The following AIFM1 variants were observed in gnomAD, a reference collection of about 807,000 sequenced individuals.
AIFM1 encodes apoptosis-inducing factor 1, mitochondrial.
A neutral mutation model predicts 51.7 loss-of-function variants in AIFM1; 3 were observed. The observed-to-expected ratio is 0.06, with a 90% confidence interval of 0.03 to 0.15. The LOEUF is 0.15. Ranked by LOEUF, AIFM1 falls within the 10% of genes least tolerant of loss-of-function variation. The pLI is 1.00. For synonymous variants in AIFM1, 178 were observed against 179.4 expected (o/e 0.99, Z 0.06); for missense variants, 330 against 476.8 (o/e 0.69, Z 2.87).
intron 3 of AIFM1, 78 bp from the exon 4 acceptor site, chrX:130,147,954 C>T (rs911705289): frequency 1.7e-5 from 20 of 1,155,699 alleles, no homozygotes; most frequent in Non-Finnish European, 2.4e-5. Flanking sequence ...AAAAAATCAC[C>T]TTGCACTTGT....
chrX:130,133,795 ATTTT>A (rs779208595), intron 12 of AIFM1, among the ~76,000 whole-genome samples: 1 of 99,863 alleles, frequency 1.0e-5, no homozygotes. Context: ...GCCTGGCTAA[ATTTT>A]TTTTTTTTTT....
chrX:130,134,236 C>CA (rs1007988671), intron 12 of AIFM1, among the ~76,000 whole-genome samples: 168 of 93,564 alleles, frequency 1.8e-3, no homozygotes, highest in Middle Eastern at 5.5e-3. Flanking sequence ...GACACCGCCT[C>CA]AAAAAAAAAA....
chrX:130,146,192 C>G (rs2030741172), intron 5 of AIFM1, among the ~76,000 whole-genome samples: 1 of 111,675 alleles, frequency 9.0e-6, no homozygotes, highest in Non-Finnish European at 1.9e-5. Flanking sequence ...AACCCCAGTG[C>G]TTTGGGAGCC....
At chrX:130,163,240 G>A (rs374446496) in intron 1 of AIFM1, among the ~76,000 whole-genome samples, 18 of 107,466 alleles carry the variant, frequency 1.7e-4, no homozygotes, top group African/African-American at 6.1e-4. Flanking sequence ...AACCCAGCAG[G>A]CAGAGGTTGC....
intron 1 of AIFM1, among the ~76,000 whole-genome samples, chrX:130,160,055 A>G (rs1405598620): frequency 1.2e-4 from 13 of 111,612 alleles, no homozygotes; most frequent in African/African-American, 4.2e-4. Context: ...AATTGACTTT[A>G]AAAAAAAGTA....
At chrX:130,148,560 G>A (rs1422636440) in intron 3 of AIFM1, among the ~76,000 whole-genome samples, 5 of 111,273 alleles carry the variant, frequency 4.5e-5, no homozygotes, top group East Asian at 2.8e-4. Flanking sequence ...TCGGCTGGGC[G>A]TGGTGGCTCC....
rs763317252 is a variant in AIFM1 at position 130,156,517 on chromosome X, C to T, written c.193G>A (p.Asp65Asn). The change falls in exon 2 of 16, where the codon GAT becomes AAT. Residue 65 changes from aspartate (D) to asparagine (N), a missense_variant. This residue lies in a region of AIFM1 where 110 missense variants were observed against 103.1 expected (regional missense o/e 1.07). Coordinates refer to ENST00000287295, the MANE Select transcript of AIFM1 (RefSeq NM_004208.4). ...ACAATAAGGACTAACACAGAATTAT[C>T]GATTTTGCCCCCTGATGCACCAGAG... ...ASSGASGGKIDNSVLVLIVGL... is the reference protein window; with the variant it reads ...ASSGASGGKINNSVLVLIVGL... 3 of 1,209,860 alleles carry T rather than the reference C, an allele frequency of 2.5e-6. No homozygotes were observed. Among genetic ancestry groups the T allele is most frequent in the African/African-American group, 1.7e-5 (1 of 57,173 alleles).
At chrX:130,150,615 G>T (rs1446012556) in intron 2 of AIFM1, among the ~76,000 whole-genome samples, 1 of 105,659 alleles carries the variant, frequency 9.5e-6, no homozygotes, top group Non-Finnish European at 2.0e-5. Context: ...GATTACAGGC[G>T]TGAGCCACCG....
At chrX:130,144,914 C>T (rs1275602874) in intron 6 of AIFM1, among the ~76,000 whole-genome samples, 6 of 111,936 alleles carry the variant, frequency 5.4e-5, no homozygotes, top group African/African-American at 1.9e-4. Flanking sequence ...TCCACTTATG[C>T]TGTGTATCTC....
chrX:130,163,930 C>T (rs1405522993), intron 1 of AIFM1, among the ~76,000 whole-genome samples: 2 of 103,756 alleles, frequency 1.9e-5, no homozygotes, highest in Non-Finnish European at 3.9e-5. Context: ...CCGAGGTGGG[C>T]GGATCACGAG....
chrX:130,165,420 T>C, intron 1 of AIFM1, 131 bp downstream of exon 1: 2 of 582,186 alleles, frequency 3.4e-6, no homozygotes, highest in Non-Finnish European at 2.9e-6. Flanking sequence ...GTTCGGAGTC[T>C]GCCAATTTGG....
chrX:130,165,827 C>G lies in AIFM1; in HGVS notation c.-171G>C. 1 of 510,835 alleles carries G rather than the reference C, an allele frequency of 2.0e-6. No homozygotes were observed. The highest frequency in any genetic ancestry group is 3.5e-6 in the Non-Finnish European group (1 of 284,734). The allele number at this position is 510,835 out of a possible 1,213,427, so 42.1% of individuals were successfully genotyped here. A position where few individuals can be genotyped will look rare whatever the true frequency, so the allele number is the denominator to read the frequency against. On this transcript the variant is annotated 5_prime_UTR_variant, in exon 1 of 16. Coordinates refer to ENST00000287295, the MANE Select transcript of AIFM1 (RefSeq NM_004208.4). The stretch of plus-strand genomic sequence containing the variant: ...GGACAGAGAAGCCGGCCTGCTAGAG[C>G]CGGGGAAGGGGAACGGCGACCGGAG...
chrX:130,138,331 T>G (rs1444888868), intron 9 of AIFM1, among the ~76,000 whole-genome samples: 7 of 109,708 alleles, frequency 6.4e-5, no homozygotes, highest in African/African-American at 1.0e-4. Context: ...CAGGCGTGGT[T>G]ACAGGCGCCT....
At chrX:130,134,853 C>T (rs1443130926) in intron 12 of AIFM1, among the ~76,000 whole-genome samples, 2 of 111,379 alleles carry the variant, frequency 1.8e-5, no homozygotes, top group East Asian at 2.8e-4. Flanking sequence ...AGTCATTAAA[C>T]TGTTTACAAA....
chrX:130,137,870 C>T (rs2030412778), intron 9 of AIFM1: 1 of 456,455 alleles, frequency 2.2e-6, no homozygotes, highest in African/African-American at 2.7e-5. Context: ...CAAGACCAGC[C>T]TGACCAACAT....
chrX:130,147,154 A>C, intron 5 of AIFM1, among the ~76,000 whole-genome samples: 1 of 111,219 alleles, frequency 9.0e-6, no homozygotes, highest in Non-Finnish European at 1.9e-5. Context: ...GAGCAGCAAG[A>C]CTCCATCTCA....
intron 11 of AIFM1, 108 bp downstream of exon 11, chrX:130,136,535 C>A: frequency 1.4e-6 from 1 of 715,450 alleles, no homozygotes. Flanking sequence ...AGGTTAATGG[C>A]AACTGCCAGG....
chrX:130,156,083 A>G (rs1469691990), intron 2 of AIFM1, among the ~76,000 whole-genome samples: 1 of 111,904 alleles, frequency 8.9e-6, no homozygotes, highest in South Asian at 3.7e-4. Context: ...AATGTCTGAC[A>G]AATAGGTCAA....
chrX:130,147,678 T>C (rs914455444), intron 4 of AIFM1, 55 bp from the exon 5 acceptor site: 3 of 1,209,998 alleles, frequency 2.5e-6, no homozygotes, highest in Non-Finnish European at 3.4e-6. Context: ...AAGGGGCAAA[T>C]GTCAAAGCAT....
Sources: gnomAD v4.1 joint callset for allele counts (sites outside exome capture counted in the v4.1 genomes callset) on GRCh38, gnomAD v4.1.1 for gene constraint, gnomAD v4.1.1 regional missense constraint, MANE v1.5 for transcripts, NCBI Gene and HGNC (gene_info 2026-07-23, HGNC 2026-07-21) for gene names.